Variants in ATXN1 observed in about 807,000 individuals in gnomAD.
The protein encoded by ATXN1 is ataxin 1.
ATXN1 carries 8 observed loss-of-function variants against 56.4 expected under a neutral mutation model. The observed-to-expected ratio is 0.14, with a 90% CI of 0.08 to 0.26. ATXN1 has a LOEUF of 0.26. ATXN1 is among the 10% of genes least tolerant of loss of function. The probability of loss-of-function intolerance (pLI) is 1.00; values close to 1 mark genes in which losing one functional copy is unlikely to be tolerated. For synonymous variants in ATXN1, 514 were observed against 494.6 expected (o/e 1.04, Z -0.52); for missense variants, 987 against 1,106.5 (o/e 0.89, Z 1.53).
rs1714374147 is a variant in ATXN1 at position 16,303,975 on chromosome 6, T to C, written c.*2354A>G. ...TAAATAAGCAGTATGACTGCAAGAA[T>C]GAGCCCACCCAGCTCTCTGCAAGCA... On this transcript the variant is annotated 3_prime_UTR_variant, in exon 8 of 8. Transcript: ENST00000436367. The surrounding 1 kb of genome is among the most constrained non-coding windows in gnomAD (Gnocchi z 4.3). The C allele has an allele frequency of 6.6e-6, 1 of 152,588 alleles. No homozygotes were observed. Among genetic ancestry groups the C allele is most frequent in the Admixed American group, 6.5e-5 (1 of 15,284 alleles). The allele number at this position is 152,588 out of a possible 1,614,324, so 9.5% of individuals were successfully genotyped here.
At chr6:16,677,247 G>A (rs1581356188) in intron 2 of ATXN1, among the ~76,000 whole-genome samples, 1 of 152,116 alleles carries the variant, frequency 6.6e-6, no homozygotes, top group East Asian at 1.9e-4. Context: ...GCTCCCAGCT[G>A]CAACACAGGC....
At chr6:16,558,567 C>T (rs9396683) in intron 4 of ATXN1, among the ~76,000 whole-genome samples, 62,706 of 151,668 alleles carry the variant, frequency 0.41, 14,227 homozygotes, top group East Asian at 0.71. Flanking sequence ...AACAGGGTCT[C>T]CCTGTGTTGT....
intron 3 of ATXN1, among the ~76,000 whole-genome samples, chr6:16,605,526 AT>A (rs1221505394): frequency 5.9e-5 from 9 of 152,182 alleles, no homozygotes; most frequent in African/African-American, 1.9e-4. Flanking sequence ...TTGTAAGAAC[AT>A]TTGCTCACAA....
In ATXN1 at chr6:16,595,714, T is replaced by C. The variant is rs985160043; in HGVS notation, c.-488-9807A>G. Among the ~76,000 whole-genome samples the C allele has an allele frequency of 2.6e-5, 4 of 152,230 alleles. No homozygotes were observed. In the East Asian group the frequency reaches 7.7e-4, roughly 29 times the overall value. ...GGGAGGAATGAGAGACTTTCACCTG[T>C]ACGAAGGATGTCTCTGGAAAACGGA... On this transcript the variant is annotated intron_variant, in intron 3 of 7. Transcript: ENST00000436367.
chr6:16,669,667 C>CTTTTTTTTTTTTTT (rs11356086), intron 2 of ATXN1, among the ~76,000 whole-genome samples: 1 of 113,132 alleles, frequency 8.8e-6, no homozygotes, highest in Non-Finnish European at 1.8e-5. Flanking sequence ...ACTGAACAAT[C>CTTTTTTTTTTTTTT]TTTTTTTTTT....
In ATXN1 at chr6:16,491,277, A is replaced by ATT. The variant is rs57395401; in HGVS notation, c.-298-5170_-298-5169dup. 5.4e-3 allele frequency among the ~76,000 whole-genome samples: 718 copies of ATT among 132,108 alleles called. 4 individuals carry two copies. The highest frequency in any genetic ancestry group is 9.4e-3 in the South Asian group (39 of 4,134). 86.7% of individuals were successfully genotyped at this position (132,108 alleles called of 152,430 possible). On this transcript the variant is annotated intron_variant, in intron 5 of 7. Coordinates refer to ENST00000436367, the MANE Select transcript of ATXN1 (RefSeq NM_001128164.2). The stretch of plus-strand genomic sequence containing the variant: ...CTGGCTAATTATTATTATTATTATT[A>ATT]TTTTTTTTTTTTTTTTTTTTTTTTG...
intron 3 of ATXN1, among the ~76,000 whole-genome samples, chr6:16,604,211 G>C (rs72825545): frequency 0.022 from 3,373 of 151,852 alleles, 68 homozygotes; most frequent in Non-Finnish European, 0.033. Flanking sequence ...AGAGGAACAG[G>C]CCAGGCACAT....
rs560205891 is a variant in ATXN1 at position 16,616,897 on chromosome 6, T to C, written c.-488-30990A>G. Among the ~76,000 whole-genome samples the C allele has an allele frequency of 2.7e-4, 41 of 151,590 alleles. No individual in the cohort carries two copies. In the South Asian group the frequency reaches 6.2e-3, roughly 23 times the overall value. ...AGGCGAGTACAGTACAAGAAGATAT[T>C]TGGAGACTGAGAGAGATCACATCCA... On this transcript the variant is annotated intron_variant, in intron 3 of 7. Coordinates refer to ENST00000436367, the MANE Select transcript of ATXN1 (RefSeq NM_001128164.2).
intron 3 of ATXN1, among the ~76,000 whole-genome samples, chr6:16,592,547 A>G (rs1263113845): frequency 6.6e-6 from 1 of 152,112 alleles, no homozygotes; most frequent in African/African-American, 2.4e-5. Flanking sequence ...GGGTTTTCCA[A>G]GAGGTGATCA....
chr6:16,392,293 A>G (rs779553271), intron 6 of ATXN1, among the ~76,000 whole-genome samples: 49 of 152,216 alleles, frequency 3.2e-4, no homozygotes, highest in Non-Finnish European at 6.0e-4. Flanking sequence ...TGGCTTCCCC[A>G]GCTGATACCC....
At chr6:16,393,727 T>C (rs556392808) in intron 6 of ATXN1, among the ~76,000 whole-genome samples, 182 of 152,268 alleles carry the variant, frequency 1.2e-3, no homozygotes, top group African/African-American at 4.0e-3. Context: ...TTTTAAAATA[T>C]GCTTTTTAGG....
At chr6:16,567,627 C>T (rs1312052457) in intron 4 of ATXN1, among the ~76,000 whole-genome samples, 2 of 152,216 alleles carry the variant, frequency 1.3e-5, no homozygotes, top group Non-Finnish European at 2.9e-5. Flanking sequence ...TGATCATATT[C>T]TGTCAGCTGC....
chr6:16,313,200 G>A (rs778499394), intron 7 of ATXN1, among the ~76,000 whole-genome samples: 2 of 152,118 alleles, frequency 1.3e-5, no homozygotes, highest in Non-Finnish European at 2.9e-5. Context: ...ACTTTAGAAG[G>A]CTAGCTCATC....
At chr6:16,316,865 CT>C (rs375359789) in intron 7 of ATXN1, among the ~76,000 whole-genome samples, 1,508 of 99,296 alleles carry the variant, frequency 0.015, 35 homozygotes, top group African/African-American at 0.052. Flanking sequence ...GACTGCCTGT[CT>C]TTTTTTTTTT....
chr6:16,675,422 T>A (rs1331314958), intron 2 of ATXN1, among the ~76,000 whole-genome samples: 1 of 152,158 alleles, frequency 6.6e-6, no homozygotes, highest in Non-Finnish European at 1.5e-5. Flanking sequence ...CATTAGGGAA[T>A]CTTCTCCCTT....
At chr6:16,694,931 C>A (rs1316470394) in intron 2 of ATXN1, among the ~76,000 whole-genome samples, 1 of 152,216 alleles carries the variant, frequency 6.6e-6, no homozygotes, top group African/African-American at 2.4e-5. Flanking sequence ...ACCACCACTT[C>A]AGTAAGTGAT....
At chr6:16,476,672 C>T (rs1760332233) in intron 6 of ATXN1, among the ~76,000 whole-genome samples, 1 of 152,180 alleles carries the variant, frequency 6.6e-6, no homozygotes, top group Non-Finnish European at 1.5e-5. Context: ...GCACACTACA[C>T]CCTGTCAAAC....
At chr6:16,612,586 T>C (rs1295962269) in intron 3 of ATXN1, among the ~76,000 whole-genome samples, 1 of 151,914 alleles carries the variant, frequency 6.6e-6, no homozygotes, top group Non-Finnish European at 1.5e-5. Context: ...AAATAAAAGA[T>C]CAACTCAATA....
chr6:16,513,545 G>A (rs236962), intron 5 of ATXN1, among the ~76,000 whole-genome samples: 6,736 of 152,224 alleles, frequency 0.044, 286 homozygotes, highest in South Asian at 0.15. Context: ...AGAGGCTTCC[G>A]ATCATCTTGC....
Sources: allele counts gnomAD v4.1 joint callset (sites outside exome capture counted in the v4.1 genomes callset), GRCh38; gene constraint gnomAD v4.1.1; non-coding constraint Gnocchi (gnomAD v3.1); transcripts MANE v1.5; gene names NCBI Gene and HGNC (gene_info 2026-07-23, HGNC 2026-07-21).